The following GMDS variants were observed in gnomAD, a reference collection of about 807,000 sequenced individuals.
GMDS encodes GDP-mannose 4,6-dehydratase.
Under a neutral mutation model 49.9 loss-of-function variants are expected in GMDS, and 20 were observed. The observed-to-expected ratio is 0.40, with a 90% CI of 0.28 to 0.58. The LOEUF (loss-of-function observed/expected upper bound fraction) is 0.58, where lower values mean the gene tolerates loss of function less well. Among genes scored for constraint, GMDS ranks in the 20% least tolerant of loss-of-function variants. GMDS has a pLI of 0.42. For missense variants in GMDS, 362 were observed against 481.4 expected (o/e 0.75, Z 2.32); for synonymous variants, 177 against 178.6 (o/e 0.99, Z 0.07).
chr6:2,142,145 GT>G (rs1776329704), intron 1 of GMDS, among the ~76,000 whole-genome samples: 1 of 152,042 alleles, frequency 6.6e-6, no homozygotes, highest in African/African-American at 2.4e-5. Context: ...TCAATTTTAC[GT>G]TTTTGTCCCT....
chr6:1,675,696 TA>T (rs1256320370), intron 9 of GMDS, among the ~76,000 whole-genome samples: 2 of 151,758 alleles, frequency 1.3e-5, no homozygotes, highest in South Asian at 4.2e-4. Flanking sequence ...ACTAAAAATA[TA>T]AAAAAATTAG....
chr6:2,185,946 G>A (rs1372079102), intron 1 of GMDS, among the ~76,000 whole-genome samples: 1 of 152,124 alleles, frequency 6.6e-6, no homozygotes, highest in Non-Finnish European at 1.5e-5. Context: ...TTACAAATGA[G>A]AAAACTGAGA....
chr6:2,174,453 C>T (rs1271929575), intron 1 of GMDS, among the ~76,000 whole-genome samples: 1 of 152,058 alleles, frequency 6.6e-6, no homozygotes, highest in Non-Finnish European at 1.5e-5. Context: ...AAAGACCATG[C>T]TAAATTTTTT....
intron 9 of GMDS, among the ~76,000 whole-genome samples, chr6:1,665,985 G>A (rs1764222959): frequency 6.6e-6 from 1 of 152,148 alleles, no homozygotes; most frequent in African/African-American, 2.4e-5. Context: ...TTTAATTTCA[G>A]CGACTTGGAG....
chr6:2,093,153 C>A (rs374472351), intron 4 of GMDS, among the ~76,000 whole-genome samples: 18 of 152,272 alleles, frequency 1.2e-4, no homozygotes, highest in South Asian at 4.1e-4. Context: ...TCCAACTACA[C>A]GGACTGTGAA....
chr6:2,110,758 A>C (rs1160834089), intron 4 of GMDS, among the ~76,000 whole-genome samples: 1 of 152,234 alleles, frequency 6.6e-6, no homozygotes, highest in African/African-American at 2.4e-5. Context: ...ACTTACACAG[A>C]GACTTGAAAA....
At chr6:1,900,124 T>G (rs1262561340) in intron 7 of GMDS, among the ~76,000 whole-genome samples, 3 of 152,192 alleles carry the variant, frequency 2.0e-5, no homozygotes, top group Non-Finnish European at 4.4e-5. Flanking sequence ...AAGTCAAGCT[T>G]GGAGGAGCAG....
At chr6:1,726,119 T>C (rs986545291) in intron 9 of GMDS, among the ~76,000 whole-genome samples, 2 of 152,226 alleles carry the variant, frequency 1.3e-5, no homozygotes, top group African/African-American at 4.8e-5. Context: ...GGACCAGCCA[T>C]TAGAATAGGA....
chr6:2,162,659 AACACAC>A (rs67198377), intron 1 of GMDS, among the ~76,000 whole-genome samples: 5,920 of 135,726 alleles, frequency 0.044, 130 homozygotes, highest in Middle Eastern at 0.074. Context: ...ATAACATTCC[AACACAC>A]ACACACACAC....
chr6:2,243,018 A>G (rs950948423), intron 1 of GMDS, among the ~76,000 whole-genome samples: 1 of 152,228 alleles, frequency 6.6e-6, no homozygotes, highest in Non-Finnish European at 1.5e-5. Context: ...GCAAGTGTTT[A>G]TGTGGTAGCT....
chr6:1,914,131 G>GTTTT (rs563808537), intron 7 of GMDS, among the ~76,000 whole-genome samples: 31 of 77,804 alleles, frequency 4.0e-4, no homozygotes, highest in Non-Finnish European at 5.2e-4. Flanking sequence ...TTTTTTGTTT[G>GTTTT]TTTTTTTTTT....
intron 1 of GMDS, among the ~76,000 whole-genome samples, chr6:2,179,312 T>A (rs1464943333): frequency 6.6e-6 from 1 of 151,678 alleles, no homozygotes; most frequent in Non-Finnish European, 1.5e-5. Context: ...AAAAAAAAAA[T>A]ATTTTAGGGT....
At chr6:1,999,958 A>T (rs1187705594) in intron 4 of GMDS, among the ~76,000 whole-genome samples, 1 of 20,642 alleles carries the variant, frequency 4.8e-5, no homozygotes, top group Non-Finnish European at 1.0e-4. Context: ...TAATATGTAT[A>T]TTATATATAT....
chr6:2,066,464 C>T (rs1581600240), intron 4 of GMDS, among the ~76,000 whole-genome samples: 1 of 150,886 alleles, frequency 6.6e-6, no homozygotes, highest in African/African-American at 2.4e-5. Flanking sequence ...TTAAAAGACA[C>T]AGACTGGCAA....
rs185651952 is a variant in GMDS at position 1,694,106 on chromosome 6, T to C, written c.987+32310A>G. ...AAAGTGTGTTTGAACAATGGTAGCA[T>C]TGTTAAAATACATAATTCTCTGATG... is the stretch of plus-strand genomic sequence containing the variant. On this transcript the variant is annotated intron_variant, in intron 9 of 10. Coordinates refer to ENST00000380815, the MANE Select transcript of GMDS (RefSeq NM_001500.4). 2.3e-4 allele frequency among the ~76,000 whole-genome samples: 35 copies of C among 152,292 alleles called. No individual in the cohort carries two copies. In the East Asian group the frequency reaches 6.6e-3, roughly 29 times the overall value.
chr6:2,079,968 C>T (rs1581622642), intron 4 of GMDS, among the ~76,000 whole-genome samples: 2 of 151,934 alleles, frequency 1.3e-5, no homozygotes, highest in South Asian at 4.2e-4. Flanking sequence ...TTATAGTATC[C>T]CATATGTCTC....
intron 7 of GMDS, among the ~76,000 whole-genome samples, chr6:1,819,715 C>T (rs1388590015): frequency 1.4e-5 from 2 of 144,910 alleles, no homozygotes; most frequent in African/African-American, 5.2e-5. Flanking sequence ...GAGCTGAGAT[C>T]ATGCCACTGC....
chr6:2,235,901 T>C (rs544470850), intron 1 of GMDS, among the ~76,000 whole-genome samples: 1 of 151,760 alleles, frequency 6.6e-6, no homozygotes, highest in South Asian at 2.1e-4. Context: ...GGCAAACAAA[T>C]GGTGTTGGGA....
In GMDS at chr6:2,191,886, C is replaced by T. The variant is rs1392429261; in HGVS notation, c.102+53435G>A. On this transcript the variant is annotated intron_variant, in intron 1 of 10. Transcript: ENST00000380815. The surrounding 1 kb of genome is among the most constrained non-coding windows in gnomAD (Gnocchi z 4.6). ...CCAGGGAGGGCATGAAGGCTGGGAG[C>T]CAGGCCACCAGTCCCACAGACCACA... Among the ~76,000 whole-genome samples, 1 of 152,168 alleles carries T rather than the reference C, an allele frequency of 6.6e-6. No homozygotes were observed. Among genetic ancestry groups the T allele is most frequent in the Non-Finnish European group, 1.5e-5 (1 of 68,022 alleles).
Sources: gnomAD v4.1 joint callset for allele counts (sites outside exome capture counted in the v4.1 genomes callset) on GRCh38, gnomAD v4.1.1 for gene constraint, Gnocchi (gnomAD v3.1) non-coding constraint, MANE v1.5 for transcripts, NCBI Gene and HGNC (gene_info 2026-07-23, HGNC 2026-07-21) for gene names.